Variants in PHLPP1 observed in about 807,000 individuals in gnomAD.
The protein encoded by PHLPP1 is PH domain leucine-rich repeat-containing protein phosphatase 1.
PHLPP1 carries 42 observed loss-of-function variants against 117.2 expected under a neutral mutation model. That is an observed-to-expected ratio of 0.36 (90% CI 0.28 to 0.46). The LOEUF is 0.46. PHLPP1 is among the 20% of genes least tolerant of loss of function. The pLI is 1.00. For synonymous variants in PHLPP1, 1,042 were observed against 970.7 expected (o/e 1.07, Z -1.37); for missense variants, 2,084 against 2,241.9 (o/e 0.93, Z 1.42).
At chr18:62,891,578 C>T (rs951401549) in intron 4 of PHLPP1, among the ~76,000 whole-genome samples, 1 of 151,800 alleles carries the variant, frequency 6.6e-6, no homozygotes. Context: ...GAGCTAGACT[C>T]CGTCTCAAAA....
intron 4 of PHLPP1, among the ~76,000 whole-genome samples, chr18:62,868,421 T>TG (rs1915820227): frequency 6.6e-6 from 1 of 151,742 alleles, no homozygotes; most frequent in Non-Finnish European, 1.5e-5. Flanking sequence ...GAGGTCATGT[T>TG]GGCCAGCCTG....
intron 14 of PHLPP1, among the ~76,000 whole-genome samples, chr18:62,968,642 A>G (rs920254111): frequency 1.4e-5 from 2 of 147,988 alleles, no homozygotes; most frequent in East Asian, 2.0e-4. Context: ...GGTTCACGCA[A>G]TTCTTCTGCC....
intron 14 of PHLPP1, among the ~76,000 whole-genome samples, chr18:62,966,996 C>A (rs1447468510): frequency 6.6e-6 from 1 of 152,210 alleles, no homozygotes. Context: ...AGTCTGACTT[C>A]TTTCCCATCA....
intron 1 of PHLPP1, among the ~76,000 whole-genome samples, chr18:62,747,310 A>T (rs1440052866): frequency 7.6e-6 from 1 of 130,936 alleles, no homozygotes; most frequent in African/African-American, 3.0e-5. Flanking sequence ...GTGGAAACAG[A>T]GTCTCGCTCT....
intron 1 of PHLPP1, among the ~76,000 whole-genome samples, chr18:62,793,244 G>C (rs756608571): frequency 1.3e-5 from 2 of 152,164 alleles, no homozygotes; most frequent in African/African-American, 4.8e-5. Context: ...GGGGGTGCTT[G>C]TCATGATCAA....
In PHLPP1 at chr18:62,980,124, C is replaced by G. The variant is rs1267640278; in HGVS notation, c.*693C>G. On this transcript the variant is annotated 3_prime_UTR_variant, in exon 17 of 17. Coordinates refer to ENST00000262719, the MANE Select transcript of PHLPP1 (RefSeq NM_194449.4). Reference sequence around the variant, plus strand: ...TCCCCCTCCCCTCTGAGGAGCCTGCCTGCCTCACAACTCACCCTCACTTCA... The same window carrying G: ...TCCCCCTCCCCTCTGAGGAGCCTGCGTGCCTCACAACTCACCCTCACTTCA... 6.5e-6 allele frequency: 1 copy of G among 152,696 alleles called. No homozygotes were observed. The highest frequency in any genetic ancestry group is 1.5e-5 in the Non-Finnish European group (1 of 68,124). The allele number at this position is 152,696 out of a possible 1,614,324, so 9.5% of individuals were successfully genotyped here. A position where few individuals can be genotyped will look rare whatever the true frequency, so the allele number is the denominator to read the frequency against.
intron 1 of PHLPP1, among the ~76,000 whole-genome samples, chr18:62,762,028 G>A (rs1599031579): frequency 1.3e-5 from 2 of 152,242 alleles, no homozygotes; most frequent in South Asian, 2.1e-4. Context: ...CTTAGTATGT[G>A]AAACCTAAGT....
chr18:62,853,985 C>T (rs1226670050), intron 3 of PHLPP1, among the ~76,000 whole-genome samples: 1 of 152,168 alleles, frequency 6.6e-6, no homozygotes, highest in African/African-American at 2.4e-5. Context: ...GTCTATAAGA[C>T]AGGACTTAGT....
At chr18:62,884,090 T>G (rs1427809697) in intron 4 of PHLPP1, among the ~76,000 whole-genome samples, 2 of 152,232 alleles carry the variant, frequency 1.3e-5, no homozygotes, top group Non-Finnish European at 2.9e-5. Flanking sequence ...TACATTATGG[T>G]TCATTTGTAC....
chr18:62,790,895 G>T (rs1337868958), intron 1 of PHLPP1, among the ~76,000 whole-genome samples: 1 of 151,956 alleles, frequency 6.6e-6, no homozygotes, highest in African/African-American at 2.4e-5. Context: ...GAGGGAGGGA[G>T]TATTTAAAAG....
chr18:62,814,968 G>A (rs1424264842), intron 1 of PHLPP1, among the ~76,000 whole-genome samples: 3 of 152,066 alleles, frequency 2.0e-5, no homozygotes, highest in Non-Finnish European at 4.4e-5. Context: ...TCTGAGTTAG[G>A]AATTCAGGAA....
Position 62,979,087 on chromosome 18 carries a change from C to T in PHLPP1, c.4810C>T (p.Pro1604Ser). The T allele has an allele frequency of 6.2e-7, 1 of 1,613,828 alleles. No individual in the cohort carries two copies. The highest frequency in any genetic ancestry group is 1.1e-5 in the South Asian group (1 of 91,062). Residue 1604 changes from proline (P) to serine (S), a missense_variant, in exon 17 of 17, where the codon CCA becomes TCA. Around this residue, in one of 2 missense-constraint regions of PHLPP1, gnomAD observed 1,365 missense variants for 1,605.9 expected, o/e 0.85. Transcript: ENST00000262719. ...TGTCATCAGCGCCAACGAGGATGAGCCAGGTCTGCCCAGGAAGGCAGACTT... is the reference window on the plus strand; with the variant it reads ...TGTCATCAGCGCCAACGAGGATGAGTCAGGTCTGCCCAGGAAGGCAGACTT... The part of the protein sequence containing the change: ...GIVISANEDE[P>S]GLPRKADFSA...
Position 62,975,635 on chromosome 18 carries a change from C to T in PHLPP1, c.3984+10C>T, listed in dbSNP as rs1568179671. The T allele has an allele frequency of 1.9e-6, 3 of 1,564,814 alleles. No homozygotes were observed. The highest frequency in any genetic ancestry group is 1.7e-5 in the Admixed American group (1 of 59,910). On this transcript the variant is annotated intron_variant, in intron 16 of 16. Transcript: ENST00000262719. ...GGCCATTATCACTGAGGTGAGAAAACAGGGGTGTTGCCCAGGATGGTGGAG... is the reference window on the plus strand; with the variant it reads ...GGCCATTATCACTGAGGTGAGAAAATAGGGGTGTTGCCCAGGATGGTGGAG...
intron 1 of PHLPP1, among the ~76,000 whole-genome samples, chr18:62,756,120 G>C (rs1291253915): frequency 6.6e-6 from 1 of 151,812 alleles, no homozygotes; most frequent in Non-Finnish European, 1.5e-5. Context: ...AACTTTAGTG[G>C]CTTGAAATAA....
At chr18:62,786,035 T>C (rs1236014318) in intron 1 of PHLPP1, among the ~76,000 whole-genome samples, 2 of 152,236 alleles carry the variant, frequency 1.3e-5, no homozygotes, top group Admixed American at 6.5e-5. Context: ...TAATTTCTTG[T>C]AGTCAGTTTA....
chr18:62,920,075 T>A lies in PHLPP1; in HGVS notation c.2921T>A (p.Leu974His). The A allele has an allele frequency of 6.2e-7, 1 of 1,613,740 alleles. No homozygotes were observed. Among genetic ancestry groups the A allele is most frequent in the Non-Finnish European group, 8.5e-7 (1 of 1,179,806 alleles). ...GTCTTGGATGTGCAACACAACCAGC[T>A]CCTTGAGCTCCCACCTAACCTTCTG... ...VEVLDVQHNQLLELPPNLLMK... is the reference protein window; with the variant it reads ...VEVLDVQHNQHLELPPNLLMK... Residue 974 changes from leucine to histidine, a missense_variant, in exon 10 of 17, where the codon CTC becomes CAC. Leu to His is a moderately conservative substitution (Grantham distance 99). Around this residue, in one of 2 missense-constraint regions of PHLPP1, gnomAD observed 1,365 missense variants for 1,605.9 expected, o/e 0.85. Coordinates refer to ENST00000262719, the MANE Select transcript of PHLPP1 (RefSeq NM_194449.4).
At chr18:62,822,280 G>GTTTTTTTTTTTTTTTTTT (rs796719016) in intron 1 of PHLPP1, among the ~76,000 whole-genome samples, 2 of 95,998 alleles carry the variant, frequency 2.1e-5, no homozygotes, top group Non-Finnish European at 2.0e-5. Flanking sequence ...TTTTTTTTTT[G>GTTTTTTTTTTTTTTTTTT]TTTTTGTTTT....
chr18:62,840,568 G>T (rs1428476382), intron 3 of PHLPP1, among the ~76,000 whole-genome samples: 4 of 152,280 alleles, frequency 2.6e-5, no homozygotes, highest in South Asian at 2.1e-4. Context: ...TTATATCAAA[G>T]TGGTTTTATG....
At chr18:62,895,237 G>T (rs1030320690) in intron 5 of PHLPP1, 80 bp downstream of exon 5, 1 of 1,408,002 alleles carries the variant, frequency 7.1e-7, no homozygotes, top group East Asian at 2.3e-5. Context: ...CATGAGATTA[G>T]TTAACTTGTT....
Sources: gnomAD v4.1 joint callset for allele counts (sites outside exome capture counted in the v4.1 genomes callset) on GRCh38, gnomAD v4.1.1 for gene constraint, gnomAD v4.1.1 regional missense constraint, MANE v1.5 for transcripts, NCBI Gene and HGNC (gene_info 2026-07-23, HGNC 2026-07-21) for gene names.